Variants in ROBO2 observed in about 807,000 individuals in gnomAD.
ROBO2 encodes the protein roundabout homolog 2.
In ROBO2, 53 loss-of-function variants were observed where a neutral mutation model predicts 160.8. The observed-to-expected ratio is 0.33, with a 90% CI of 0.26 to 0.41. The LOEUF (loss-of-function observed/expected upper bound fraction) is 0.41. Among genes scored for constraint, ROBO2 ranks in the 10% least tolerant of loss-of-function variants. The pLI, the probability that ROBO2 is intolerant of heterozygous loss-of-function variation, is 1.00. For synonymous variants in ROBO2, 664 were observed against 611.7 expected (o/e 1.09, Z -1.26); for missense variants, 1,577 against 1,722.4 (o/e 0.92, Z 1.49).
intron 2 of ROBO2, among the ~76,000 whole-genome samples, chr3:76,453,448 G>T (rs940652811): frequency 1.1e-4 from 16 of 152,204 alleles, no homozygotes; most frequent in Non-Finnish European, 2.4e-4. Flanking sequence ...TTTCCCCATT[G>T]CTTGTTTGTC....
At chr3:77,342,926 C>T (rs1369171651) in intron 2 of ROBO2, among the ~76,000 whole-genome samples, 2 of 152,150 alleles carry the variant, frequency 1.3e-5, no homozygotes, top group African/African-American at 4.8e-5. Flanking sequence ...AATCTATTTC[C>T]TCACCGTCCT....
At chr3:75,938,971 T>C (rs1457013481) in intron 2 of ROBO2, among the ~76,000 whole-genome samples, 1 of 152,204 alleles carries the variant, frequency 6.6e-6, no homozygotes, top group African/African-American at 2.4e-5. Flanking sequence ...AACAAGAATA[T>C]GTAGACAGTA....
At chr3:76,457,023 T>A (rs939098973) in intron 2 of ROBO2, among the ~76,000 whole-genome samples, 14 of 152,154 alleles carry the variant, frequency 9.2e-5, no homozygotes, top group African/African-American at 3.4e-4. Context: ...CAATTCAAGA[T>A]GAGATTTGGT....
At chr3:76,423,620 A>T (rs1467468565) in intron 2 of ROBO2, among the ~76,000 whole-genome samples, 1 of 152,164 alleles carries the variant, frequency 6.6e-6, no homozygotes, top group Non-Finnish European at 1.5e-5. Flanking sequence ...TCACCAGATG[A>T]TTAAATGTTT....
intron 2 of ROBO2, among the ~76,000 whole-genome samples, chr3:76,666,279 T>C (rs1231889331): frequency 2.0e-5 from 3 of 151,962 alleles, no homozygotes; most frequent in Non-Finnish European, 2.9e-5. Context: ...ACCAACTTTA[T>C]GTATTTCTTT....
At chr3:77,272,422 G>A (rs893004002) in intron 2 of ROBO2, among the ~76,000 whole-genome samples, 2 of 152,012 alleles carry the variant, frequency 1.3e-5, no homozygotes, top group Non-Finnish European at 2.9e-5. Flanking sequence ...AGGGCGGGGG[G>A]GAGGTGTCAC....
intron 12 of ROBO2, among the ~76,000 whole-genome samples, chr3:77,566,895 T>G (rs2093498902): frequency 6.6e-6 from 1 of 152,108 alleles, no homozygotes; most frequent in African/African-American, 2.4e-5. Context: ...CACTTTGCAC[T>G]GTGAACTCTT....
intron 2 of ROBO2, among the ~76,000 whole-genome samples, chr3:76,189,951 CTG>C (rs1701932115): frequency 6.6e-6 from 1 of 152,074 alleles, no homozygotes. Flanking sequence ...AGGCCTAAAT[CTG>C]TGTGTTAACT....
rs1024949674 is a variant in ROBO2 at position 76,166,637 on chromosome 3, A to G, written c.109+229035A>G. Among the ~76,000 whole-genome samples, 6 of 152,250 alleles carry G rather than the reference A, an allele frequency of 3.9e-5. No individual in the cohort carries two copies. In the East Asian group the frequency reaches 5.8e-4, roughly 15 times the overall value. ...ATAGCCCCGTTCAGCTATAATTTCCAGTTAAATTTCAGATGGATCCTCAAG... is the reference window on the plus strand; with the variant it reads ...ATAGCCCCGTTCAGCTATAATTTCCGGTTAAATTTCAGATGGATCCTCAAG... On this transcript the variant is annotated intron_variant, in intron 2 of 26. Transcript: ENST00000487694.
At chr3:76,325,483 A>G (rs1565949) in intron 2 of ROBO2, among the ~76,000 whole-genome samples, 111,853 of 152,056 alleles carry the variant, frequency 0.74, 45,286 homozygotes, top group Non-Finnish European at 0.92. Flanking sequence ...TACCTTCCCA[A>G]TGTTTGGGGA....
In ROBO2 at chr3:76,589,365, T is replaced by C. The variant is rs576997807; in HGVS notation, c.110-508649T>C. 4.6e-5 allele frequency among the ~76,000 whole-genome samples: 7 copies of C among 152,244 alleles called. No individual in the cohort carries two copies. In the East Asian group the frequency reaches 1.2e-3, roughly 25 times the overall value. On this transcript the variant is annotated intron_variant, in intron 2 of 26. Coordinates refer to the ROBO2 transcript ENST00000487694. ...CCCAGGCTGGAGTGCAGTGGCGCCA[T>C]CTCGGCTCACTGCAAGCTCCGCCTC...
At chr3:76,380,735 A>G (rs527269163) in intron 2 of ROBO2, among the ~76,000 whole-genome samples, 3 of 152,240 alleles carry the variant, frequency 2.0e-5, no homozygotes, top group South Asian at 4.1e-4. Context: ...TGGATTTTCT[A>G]CTACACAGGA....
intron 2 of ROBO2, among the ~76,000 whole-genome samples, chr3:76,585,743 G>C (rs527360268): frequency 1.3e-5 from 2 of 152,244 alleles, no homozygotes; most frequent in South Asian, 4.2e-4. Context: ...AAACCACTTG[G>C]TTAATTTGTT....
intron 2 of ROBO2, among the ~76,000 whole-genome samples, chr3:76,274,287 C>T (rs1302911026): frequency 6.6e-6 from 1 of 151,700 alleles, no homozygotes; most frequent in Non-Finnish European, 1.5e-5. Context: ...CAACATGGCA[C>T]ATGTATACAT....
intron 1 of ROBO2, among the ~76,000 whole-genome samples, chr3:77,069,053 C>G (rs2067145200): frequency 6.6e-6 from 1 of 152,112 alleles, no homozygotes; most frequent in African/African-American, 2.4e-5. Flanking sequence ...TTCTTTCTAC[C>G]AAGGCAGAAT....
intron 2 of ROBO2, among the ~76,000 whole-genome samples, chr3:76,055,308 G>A (rs1293213371): frequency 6.6e-6 from 1 of 152,076 alleles, no homozygotes. Context: ...ACCATATCAG[G>A]CAGACCTTAT....
chr3:76,532,400 T>A (rs981467722), intron 2 of ROBO2, among the ~76,000 whole-genome samples: 8 of 152,232 alleles, frequency 5.3e-5, no homozygotes, highest in African/African-American at 1.9e-4. Flanking sequence ...ACCATTGTCA[T>A]CAGAGAGTGG....
At chr3:76,364,989 C>T (rs1021655439) in intron 2 of ROBO2, among the ~76,000 whole-genome samples, 2 of 151,996 alleles carry the variant, frequency 1.3e-5, no homozygotes, top group Non-Finnish European at 2.9e-5. Context: ...CTGTTGTCTA[C>T]CTGAATGCCA....
intron 2 of ROBO2, among the ~76,000 whole-genome samples, chr3:76,811,345 T>C (rs2065144683): frequency 6.6e-6 from 1 of 152,212 alleles, no homozygotes; most frequent in African/African-American, 2.4e-5. Flanking sequence ...TGTTCATTTT[T>C]CATTTTCTTA....
Sources: gnomAD v4.1 joint callset for allele counts (sites outside exome capture counted in the v4.1 genomes callset) on GRCh38, gnomAD v4.1.1 for gene constraint, MANE v1.5 for transcripts, NCBI Gene and HGNC (gene_info 2026-07-23, HGNC 2026-07-21) for gene names.